Variants in ESRRG observed in about 807,000 individuals in gnomAD.
ESRRG encodes the protein estrogen related receptor gamma.
A neutral mutation model predicts 44.0 loss-of-function variants in ESRRG; 13 were observed. The observed-to-expected ratio is 0.30, with a 90% CI of 0.19 to 0.47. The LOEUF is 0.47. ESRRG is among the 20% of genes least tolerant of loss of function. The pLI, the probability that ESRRG is intolerant of heterozygous loss-of-function variation, is 1.00. For missense variants in ESRRG, 395 were observed against 580.6 expected (o/e 0.68, Z 3.29); for synonymous variants, 215 against 214.6 (o/e 1.00, Z -0.02).
At chr1:217,124,709 C>G (rs1476560596) in intron 1 of ESRRG, among the ~76,000 whole-genome samples, 1 of 152,064 alleles carries the variant, frequency 6.6e-6, no homozygotes, top group Non-Finnish European at 1.5e-5. Flanking sequence ...AGAAAAAAAC[C>G]AAGGTAATCG....
chr1:216,779,965 T>C (rs2093867057), intron 2 of ESRRG, among the ~76,000 whole-genome samples: 1 of 151,898 alleles, frequency 6.6e-6, no homozygotes, highest in Admixed American at 6.6e-5. Flanking sequence ...ACATGTTCTA[T>C]ACACCTAAGA....
chr1:216,755,191 A>G (rs1224630785), intron 2 of ESRRG, among the ~76,000 whole-genome samples: 1 of 151,948 alleles, frequency 6.6e-6, no homozygotes, highest in Non-Finnish European at 1.5e-5. Flanking sequence ...TTTTTTTCAA[A>G]GCAGCAAACT....
In ESRRG at chr1:216,882,387, A is replaced by G. The variant is rs543465304; in HGVS notation, c.-14+57195T>C. Reference sequence around the variant, plus strand: ...GACTAAGGATTCTGAGTGCCTTGCAAATTAACTTTCTCAGGAGAACAGCAA... The same window carrying G: ...GACTAAGGATTCTGAGTGCCTTGCAGATTAACTTTCTCAGGAGAACAGCAA... On this transcript the variant is annotated intron_variant, in intron 2 of 7. Transcript: ENST00000359162. Among the ~76,000 whole-genome samples the G allele has an allele frequency of 1.3e-3, 195 of 152,312 alleles. 1 individual carries two copies. The highest frequency in any genetic ancestry group is 2.3e-3 in the Non-Finnish European group (159 of 68,034).
intron 2 of ESRRG, among the ~76,000 whole-genome samples, chr1:216,893,666 A>G (rs2058082099): frequency 6.6e-6 from 1 of 152,116 alleles, no homozygotes; most frequent in South Asian, 2.1e-4. Context: ...TAAGATGTAA[A>G]CACACAGGCA....
At chr1:216,731,363 G>A (rs1322306715) in intron 2 of ESRRG, among the ~76,000 whole-genome samples, 2 of 152,166 alleles carry the variant, frequency 1.3e-5, no homozygotes, top group African/African-American at 4.8e-5. Context: ...TCCTCTTATG[G>A]GGAGAGGAAG....
intron 1 of ESRRG, among the ~76,000 whole-genome samples, chr1:216,963,705 C>T (rs895224814): frequency 2.0e-5 from 3 of 152,280 alleles, no homozygotes; most frequent in Non-Finnish European, 2.9e-5. Flanking sequence ...AGGAAAATCA[C>T]GTTGTGCTCT....
intron 1 of ESRRG, among the ~76,000 whole-genome samples, chr1:216,969,711 G>A (rs1050761169): frequency 2.0e-5 from 3 of 152,084 alleles, no homozygotes; most frequent in Non-Finnish European, 4.4e-5. Flanking sequence ...TCAGCCTTCT[G>A]AGTAGCTGGG....
chr1:216,958,134 G>T, intron 1 of ESRRG, among the ~76,000 whole-genome samples: 1 of 152,166 alleles, frequency 6.6e-6, no homozygotes, highest in East Asian at 1.9e-4. Flanking sequence ...TTATTGATGA[G>T]TAGTATTCCA....
At chr1:216,568,153 A>G (rs2060017421) in intron 3 of ESRRG, 55 bp from the exon 4 acceptor site, 2 of 1,184,974 alleles carry the variant, frequency 1.7e-6, no homozygotes, top group South Asian at 1.2e-5. Context: ...TTTGAGACCA[A>G]TCAAATACCT....
intron 2 of ESRRG, among the ~76,000 whole-genome samples, chr1:216,667,995 G>C (rs963366665): frequency 6.6e-6 from 1 of 151,542 alleles, no homozygotes; most frequent in African/African-American, 2.4e-5. Flanking sequence ...CACTCAGAAG[G>C]CTGAGGCAGA....
At chr1:217,106,637 T>G (rs1248701516) in intron 1 of ESRRG, among the ~76,000 whole-genome samples, 4 of 152,162 alleles carry the variant, frequency 2.6e-5, no homozygotes, top group Admixed American at 2.6e-4. Context: ...CTTAGCAGTC[T>G]TCTTCCCTAT....
At chr1:216,687,206 G>T (rs4846649) in intron 1 of ESRRG, among the ~76,000 whole-genome samples, 88,701 of 151,986 alleles carry the variant, frequency 0.58, 25,979 homozygotes, top group South Asian at 0.63. Context: ...GATCATTTTA[G>T]GGGAGCTGGG....
chr1:216,952,221 G>T (rs1489393725), intron 1 of ESRRG, among the ~76,000 whole-genome samples: 1 of 152,104 alleles, frequency 6.6e-6, no homozygotes, highest in Admixed American at 6.6e-5. Context: ...ACCTGTGACT[G>T]CTCTCACATT....
chr1:216,527,819 A>G (rs890653667), intron 5 of ESRRG, among the ~76,000 whole-genome samples: 5 of 152,296 alleles, frequency 3.3e-5, no homozygotes, highest in African/African-American at 7.2e-5. Flanking sequence ...GAAGATGAAG[A>G]CATAAGCAGG....
chr1:217,062,218 G>A (rs139795123), intron 1 of ESRRG, among the ~76,000 whole-genome samples: 174 of 152,132 alleles, frequency 1.1e-3, no homozygotes, highest in Middle Eastern at 3.4e-3. Flanking sequence ...GCAGGATGCC[G>A]CAGCTGGTTT....
intron 5 of ESRRG, among the ~76,000 whole-genome samples, chr1:216,524,787 G>A (rs2149009195): frequency 6.6e-6 from 1 of 152,260 alleles, no homozygotes; most frequent in Middle Eastern, 3.4e-3. Flanking sequence ...CAGGACTCAG[G>A]TTTTAATACA....
At chr1:216,775,572 TTTTTTTTTTTTTTTTTTTTTA>T (rs2093579247) in intron 2 of ESRRG, among the ~76,000 whole-genome samples, 2 of 78,770 alleles carry the variant, frequency 2.5e-5, no homozygotes, top group African/African-American at 1.0e-4. Context: ...TTTTTTTTTT[TTTTTTTTTTTTTTTTTTTTTA>T]GACAGCGTCT....
intron 3 of ESRRG, among the ~76,000 whole-genome samples, chr1:216,624,388 G>C (rs1574308277): frequency 6.6e-6 from 1 of 152,138 alleles, no homozygotes; most frequent in East Asian, 1.9e-4. Flanking sequence ...AAATATCCCA[G>C]AGGTAAGAAA....
rs375847713 is a variant in ESRRG at position 216,965,511 on chromosome 1, A to T, written c.-105-25838T>A. Among the ~76,000 whole-genome samples the T allele has an allele frequency of 1.1e-3, 170 of 152,228 alleles. 3 individuals are homozygous for T. Among genetic ancestry groups the T allele is most frequent in the African/African-American group, 3.7e-3 (154 of 41,546 alleles). On this transcript the variant is annotated intron_variant, in intron 1 of 7. Coordinates refer to the ESRRG transcript ENST00000359162. ...AGAGGCCCTGACCTCCTGTGGCTGG[A>T]CCCTTCTCCATGGTATGGCCGAGGG...
Sources: allele counts gnomAD v4.1 joint callset (sites outside exome capture counted in the v4.1 genomes callset), GRCh38; gene constraint gnomAD v4.1.1; transcripts MANE v1.5; gene names NCBI Gene and HGNC (gene_info 2026-07-23, HGNC 2026-07-21).